Variants in TNRC6A observed in about 807,000 individuals in gnomAD.
TNRC6A encodes trinucleotide repeat-containing gene 6A protein.
In TNRC6A, 44 loss-of-function variants were observed where a neutral mutation model predicts 221.2. That is an observed-to-expected ratio of 0.20 (90% CI 0.16 to 0.26). The LOEUF (loss-of-function observed/expected upper bound fraction) is 0.26, where lower values mean the gene tolerates loss of function less well. TNRC6A is among the 10% of genes least tolerant of loss of function. TNRC6A has a pLI of 1.00. For synonymous variants in TNRC6A, 847 were observed against 838.5 expected (o/e 1.01, Z -0.18); for missense variants, 2,199 against 2,404.4 (o/e 0.91, Z 1.79).
At chr16:24,642,986 A>G (rs1902032712) in intron 2 of TNRC6A, among the ~76,000 whole-genome samples, 2 of 150,006 alleles carry the variant, frequency 1.3e-5, no homozygotes, top group South Asian at 2.1e-4. Flanking sequence ...CAAGGCTGCA[A>G]TGAGCTATGA....
chr16:24,657,338 A>ACC (rs1465338192), intron 2 of TNRC6A, among the ~76,000 whole-genome samples: 3,114 of 147,424 alleles, frequency 0.021, 110 homozygotes, highest in African/African-American at 0.066. Flanking sequence ...AAAAAAAAAA[A>ACC]AAAACAAACA....
intron 1 of TNRC6A, among the ~76,000 whole-genome samples, chr16:24,635,765 A>AT (rs1211883637): frequency 1.2e-4 from 18 of 152,118 alleles, no homozygotes; most frequent in Non-Finnish European, 7.4e-5. Flanking sequence ...AAGAAAGATG[A>AT]TTTTGTCACC....
At chr16:24,648,516 C>A (rs577389642) in intron 2 of TNRC6A, among the ~76,000 whole-genome samples, 1 of 152,002 alleles carries the variant, frequency 6.6e-6, no homozygotes, top group East Asian at 1.9e-4. Context: ...ATGATTCACC[C>A]GCCTTGGCCT....
intron 21 of TNRC6A, among the ~76,000 whole-genome samples, chr16:24,818,998 TAAAA>T (rs570977428): frequency 2.8e-5 from 4 of 142,296 alleles, no homozygotes; most frequent in African/African-American, 1.0e-4. Flanking sequence ...GGAGGATCTT[TAAAA>T]AAAAAAAAAA....
intron 2 of TNRC6A, among the ~76,000 whole-genome samples, chr16:24,699,722 C>CAAA (rs10713054): frequency 5.2e-5 from 5 of 96,472 alleles, no homozygotes; most frequent in Non-Finnish European, 8.7e-5. Flanking sequence ...CTGTCTCTAC[C>CAAA]AAAAAAAAAA....
In TNRC6A at chr16:24,823,104, G is replaced by C; in HGVS notation, c.5513+91G>C. On this transcript the variant is annotated intron_variant, in intron 24 of 24. Coordinates refer to ENST00000395799, the MANE Select transcript of TNRC6A (RefSeq NM_014494.4). The surrounding 1 kb of genome is among the most constrained non-coding windows in gnomAD (Gnocchi z 4.3). ...CCCGGGGCAGTGCACAGGGTCCTGC[G>C]TGGGTGGCTCCTGCTGGCTGCAGTA... 4 of 1,543,748 alleles carry C rather than the reference G, an allele frequency of 2.6e-6. No homozygotes were observed. The highest frequency in any genetic ancestry group is 3.5e-6 in the Non-Finnish European group (4 of 1,127,306).
At chr16:24,818,533 C>A in intron 20 of TNRC6A, 60 bp from the exon 21 acceptor site, 1 of 1,397,690 alleles carries the variant, frequency 7.2e-7, no homozygotes, top group Non-Finnish European at 1.0e-6. Flanking sequence ...GAAGCTTTTG[C>A]TTTTTCTGAA....
At chr16:24,614,096 A>T (rs1276742958) in intron 1 of TNRC6A, among the ~76,000 whole-genome samples, 1 of 152,188 alleles carries the variant, frequency 6.6e-6, no homozygotes, top group Non-Finnish European at 1.5e-5. Flanking sequence ...TTGTTCGTGG[A>T]TGATCTCACC....
intron 2 of TNRC6A, chr16:24,661,867 G>A (rs2055042081): frequency 6.6e-6 from 1 of 152,152 alleles, no homozygotes; most frequent in African/African-American, 2.4e-5. Context: ...CTACAGTACT[G>A]GTAGAGTTTT....
At position 24,758,356 on chromosome 16, in the gene TNRC6A, C is replaced by A; in HGVS notation, c.159C>A (p.Ile53=). ...AAQKKATEQK[I]KVPEQIKPSV... ...TATTTTAGGCCACTGAACAAAAAAT[C>A]AAAGGTACGTTGTTTAAAGCTATTT... The change falls in exon 4 of 25, where the codon ATC becomes ATA. Residue 53 remains isoleucine, a synonymous_variant. Transcript: ENST00000395799. 6.2e-7 allele frequency: 1 copy of A among 1,610,032 alleles called. No individual in the cohort carries two copies. Among genetic ancestry groups the A allele is most frequent in the South Asian group, 1.1e-5 (1 of 90,912 alleles).
intron 2 of TNRC6A, among the ~76,000 whole-genome samples, chr16:24,722,343 G>A (rs1472983454): frequency 6.6e-6 from 1 of 152,156 alleles, no homozygotes; most frequent in Non-Finnish European, 1.5e-5. Context: ...GAGCCCAGGA[G>A]TTTGAGGCTG....
chr16:24,808,163 GAGA>G (rs2152010209), intron 17 of TNRC6A, among the ~76,000 whole-genome samples: 1 of 152,332 alleles, frequency 6.6e-6, no homozygotes, highest in South Asian at 2.1e-4. Context: ...CAAGTACAGG[GAGA>G]AGTTTTTGTC....
rs142851821 is a variant in TNRC6A, at chr16:24,806,111, G to A, written c.4252-95G>A. The A allele has an allele frequency of 1.3e-3, 1,854 of 1,387,472 alleles. 2 individuals are homozygous for A. The highest frequency in any genetic ancestry group is 1.6e-3 in the Non-Finnish European group (1,610 of 1,003,050). The allele number at this position is 1,387,472 out of a possible 1,614,324, so 85.9% of individuals were successfully genotyped here. A position where few individuals can be genotyped will look rare whatever the true frequency, so the allele number is the denominator to read the frequency against. On this transcript the variant is annotated intron_variant, in intron 15 of 24. Coordinates refer to ENST00000395799, the MANE Select transcript of TNRC6A (RefSeq NM_014494.4). ...GACATGTTGGCATTGGCTAGATCAC[G>A]TCGTGCCTCTGTAGGTCCATCTGCT...
At chr16:24,655,279 T>G (rs1455295835) in intron 2 of TNRC6A, among the ~76,000 whole-genome samples, 1 of 151,962 alleles carries the variant, frequency 6.6e-6, no homozygotes, top group African/African-American at 2.4e-5. Flanking sequence ...GGAACACTGA[T>G]AGAAAAAAAG....
At chr16:24,705,529 G>A (rs374102745) in intron 2 of TNRC6A, among the ~76,000 whole-genome samples, 174 of 152,066 alleles carry the variant, frequency 1.1e-3, no homozygotes, top group African/African-American at 3.9e-3. Context: ...ATGGCGTTTC[G>A]CCATGTTGGC....
In TNRC6A at chr16:24,791,732, C is replaced by G. The variant is rs1166138434; in HGVS notation, c.3090C>G (p.Asn1030Lys). The G allele has an allele frequency of 6.2e-7, 1 of 1,612,904 alleles. No individual in the cohort carries two copies. The highest frequency in any genetic ancestry group is 1.3e-5 in the African/African-American group (1 of 74,852). Residue 1030 changes from asparagine to lysine, a missense_variant, in exon 6 of 25, where the codon AAC (asparagine) becomes AAG (lysine). Asn to Lys is a moderately conservative substitution (Grantham distance 94). Coordinates refer to ENST00000395799, the MANE Select transcript of TNRC6A (RefSeq NM_014494.4). The stretch of plus-strand genomic sequence containing the variant: ...GGAACAAAAACGTCCCAAATGGCAA[C>G]AGCCGTTCAGACCAGCAAGCACAGG... Reference protein sequence around the residue: ...NMWNKNVPNGNSRSDQQAQVH... With the variant: ...NMWNKNVPNGKSRSDQQAQVH...
In TNRC6A at chr16:24,777,350, A is replaced by G. The variant is rs1332436138; in HGVS notation, c.581A>G (p.Asn194Ser). 1 of 1,608,188 alleles carries G rather than the reference A, an allele frequency of 6.2e-7. No individual in the cohort carries two copies. The highest frequency in any genetic ancestry group is 2.2e-5 in the East Asian group (1 of 44,830). The change falls in exon 5 of 25, where the codon AAC (asparagine) becomes AGC (serine). Residue 194 changes from asparagine to serine, a missense_variant. Coordinates refer to ENST00000395799, the MANE Select transcript of TNRC6A (RefSeq NM_014494.4). ...AACGGAGAGGTGCAGAACAGCAAAA[A>G]CCAGTCAGGTGAGAGAAGGCATTTC... ...QNNGEVQNSK[N>S]QSDINHSTSG...
chr16:24,805,419 C>A, intron 14 of TNRC6A, 186 bp from the exon 15 acceptor site: 1 of 928,128 alleles, frequency 1.1e-6, no homozygotes, highest in Non-Finnish European at 1.6e-6. Flanking sequence ...GCACCTCTGT[C>A]ATCTTTTACT....
At chr16:24,711,762 G>C (rs2056209990) in intron 2 of TNRC6A, among the ~76,000 whole-genome samples, 1 of 151,678 alleles carries the variant, frequency 6.6e-6, no homozygotes, top group Non-Finnish European at 1.5e-5. Flanking sequence ...TTGTCTATTT[G>C]TCCCATTTGT....
Sources: allele counts gnomAD v4.1 joint callset (sites outside exome capture counted in the v4.1 genomes callset), GRCh38; gene constraint gnomAD v4.1.1; non-coding constraint Gnocchi (gnomAD v3.1); transcripts MANE v1.5; gene names NCBI Gene and HGNC (gene_info 2026-07-23, HGNC 2026-07-21).